CACNB4: variants seen among roughly 807,000 people sequenced by gnomAD.
CACNB4 encodes calcium voltage-gated channel auxiliary subunit beta 4.
In CACNB4, 32 loss-of-function variants were observed where a neutral mutation model predicts 71.2. That is an observed-to-expected ratio of 0.45 (90% CI 0.34 to 0.60). CACNB4 has a LOEUF of 0.60. Ranked by LOEUF, CACNB4 falls within the 20% of genes least tolerant of loss-of-function variation. The pLI, the probability that CACNB4 is intolerant of heterozygous loss-of-function variation, is 0.01. For synonymous variants in CACNB4, 231 were observed against 236.9 expected (o/e 0.97, Z 0.23); for missense variants, 464 against 647.9 (o/e 0.72, Z 3.08).
intron 12 of CACNB4, 28 bp downstream of exon 12, chr2:151,853,409 TAGTCAAGAATG>T: frequency 8.2e-7 from 1 of 1,218,780 alleles, no homozygotes; most frequent in Non-Finnish European, 1.2e-6. Context: ...CTCTTCTAAC[TAGTCAAGAATG>T]ATGAAGACAA....
chr2:152,097,528 G>T (rs1454634661), intron 2 of CACNB4, among the ~76,000 whole-genome samples: 2 of 152,150 alleles, frequency 1.3e-5, no homozygotes, highest in Non-Finnish European at 2.9e-5. Flanking sequence ...GCACCCAGCA[G>T]CCAGGGGTGG....
chr2:151,890,537 A>C (rs10184416), intron 2 of CACNB4, among the ~76,000 whole-genome samples: 98 of 152,210 alleles, frequency 6.4e-4, no homozygotes, highest in African/African-American at 2.2e-3. Context: ...CTCATAGGTC[A>C]CTACATGGGG....
At chr2:151,883,705 CTT>C in intron 2 of CACNB4, 3 of 341,276 alleles carry the variant, frequency 8.8e-6, no homozygotes, top group South Asian at 7.8e-5. Context: ...TCCATCTTCT[CTT>C]TTGCATATAC....
At chr2:152,008,309 T>C (rs1682850063) in intron 2 of CACNB4, among the ~76,000 whole-genome samples, 1 of 151,458 alleles carries the variant, frequency 6.6e-6, no homozygotes, top group Non-Finnish European at 1.5e-5. Context: ...TTTCTTGAGA[T>C]GAAGTCTCAC....
At chr2:151,871,325 G>C (rs2099844567) in intron 6 of CACNB4, 1 of 154,938 alleles carries the variant, frequency 6.5e-6, no homozygotes, top group Non-Finnish European at 1.4e-5. Flanking sequence ...AGTCCCTTGG[G>C]CATTTTTGCC....
chr2:151,889,651 G>A (rs774670350), intron 2 of CACNB4, among the ~76,000 whole-genome samples: 9 of 152,112 alleles, frequency 5.9e-5, no homozygotes, highest in East Asian at 1.9e-4. Flanking sequence ...AGATTTCCCC[G>A]GGTAGATGAG....
At chr2:151,876,392 C>T in intron 5 of CACNB4, 34 bp downstream of exon 5, 1 of 1,566,110 alleles carries the variant, frequency 6.4e-7, no homozygotes, top group Non-Finnish European at 8.7e-7. Context: ...ATTTTCTGAC[C>T]AAAAAAAAGT....
chr2:151,973,885 T>C, intron 2 of CACNB4: 2 of 1,446,892 alleles, frequency 1.4e-6, no homozygotes, highest in African/African-American at 1.4e-5. Context: ...AGGGTGAGGT[T>C]ATCCCCAGAG....
intron 2 of CACNB4, among the ~76,000 whole-genome samples, chr2:152,045,085 C>A (rs1685082478): frequency 6.6e-6 from 1 of 152,062 alleles, no homozygotes; most frequent in African/African-American, 2.4e-5. Context: ...TGATTGCCAC[C>A]ACATAACTAT....
chr2:151,838,967 A>ATTT lies in CACNB4; in HGVS notation c.*149_*151dup. ...CATCTAGACTCAAGGGCATAATGTA[A>ATTT]TTTTTTTTTTTGCCCCTTACTTAGC... On this transcript the variant is annotated 3_prime_UTR_variant, in exon 14 of 14. Coordinates refer to ENST00000539935, the MANE Select transcript of CACNB4 (RefSeq NM_000726.5). 2.1e-6 allele frequency: 1 copy of ATTT among 483,446 alleles called. No homozygotes were observed. The highest frequency in any genetic ancestry group is 3.3e-5 in the South Asian group (1 of 30,708). The allele number at this position is 483,446 out of a possible 1,614,324, so 29.9% of individuals were successfully genotyped here.
intron 2 of CACNB4, among the ~76,000 whole-genome samples, chr2:151,975,149 T>TGA: frequency 6.6e-6 from 1 of 152,286 alleles, no homozygotes; most frequent in East Asian, 1.9e-4. Flanking sequence ...CACTTACCAT[T>TGA]GAGAAGCTGC....
intron 2 of CACNB4, among the ~76,000 whole-genome samples, chr2:151,941,583 C>T (rs570274238): frequency 1.5e-4 from 22 of 151,390 alleles, no homozygotes; most frequent in Non-Finnish European, 2.4e-4. Flanking sequence ...TGCCCAACTT[C>T]GTCTCAATTT....
rs192122588 is a variant in CACNB4, at chr2:152,012,692, T to A, written c.147+85638A>T. Among the ~76,000 whole-genome samples the A allele has an allele frequency of 8.1e-3, 1,234 of 152,324 alleles. 10 individuals carry two copies. The highest frequency in any genetic ancestry group is 0.015 in the Non-Finnish European group (1,033 of 68,034). On this transcript the variant is annotated intron_variant, in intron 2 of 13. Transcript: ENST00000539935. ...TATTTACACAGAAGTATAATGTGTT[T>A]GTGTTTTAAGCTAAGTGTTATTCCA...
At position 152,026,487 on chromosome 2, in the gene CACNB4, C is replaced by A. The variant is rs531159613; in HGVS notation, c.147+71843G>T. ...GCAACCTCTGCCTCCTGGGCTCAAG[C>A]GATTCTCATGCCTCAGCCCCCTGAA... On this transcript the variant is annotated intron_variant, in intron 2 of 13. Coordinates refer to ENST00000539935, the MANE Select transcript of CACNB4 (RefSeq NM_000726.5). Among the ~76,000 whole-genome samples the A allele has an allele frequency of 1.9e-3, 292 of 151,992 alleles. 2 individuals carry two copies. Among genetic ancestry groups the A allele is most frequent in the Non-Finnish European group, 2.9e-3 (198 of 67,970 alleles).
At chr2:152,091,198 G>A (rs1321510042) in intron 2 of CACNB4, among the ~76,000 whole-genome samples, 1 of 152,084 alleles carries the variant, frequency 6.6e-6, no homozygotes, top group African/African-American at 2.4e-5. Context: ...AAAACAAGAA[G>A]AAGCACAGTT....
intron 2 of CACNB4, among the ~76,000 whole-genome samples, chr2:152,007,170 CT>C (rs921722318): frequency 6.6e-4 from 100 of 151,972 alleles, no homozygotes; most frequent in African/African-American, 2.2e-3. Flanking sequence ...GTGTATGTGC[CT>C]TTTTTTTAAC....
rs2099834351 is a variant in CACNB4, at chr2:151,833,965, A to G, written c.*5154T>C. 1 of 152,096 alleles carries G rather than the reference A, an allele frequency of 6.6e-6. No homozygotes were observed. The highest frequency in any genetic ancestry group is 1.9e-4 in the East Asian group (1 of 5,200). The allele number at this position is 152,096 out of a possible 1,614,324, so 9.4% of individuals were successfully genotyped here. A position where few individuals can be genotyped will look rare whatever the true frequency, so the allele number is the denominator to read the frequency against. On this transcript the variant is annotated 3_prime_UTR_variant, in exon 14 of 14. Coordinates refer to ENST00000539935, the MANE Select transcript of CACNB4 (RefSeq NM_000726.5). ...GAAAATATTGTAAGGCATATGAAAA[A>G]TAGTATGCAACGATATAGCGTTAAT...
In CACNB4 at chr2:151,962,244, C is replaced by T. The variant is rs867797376; in HGVS notation, c.148-78874G>A. On this transcript the variant is annotated intron_variant, in intron 2 of 13. Coordinates refer to ENST00000539935, the MANE Select transcript of CACNB4 (RefSeq NM_000726.5). ...CTTTCTGGATGCAACTCAGTCCTCC[C>T]AGGTTCCTATAACCACACCCTTTCT... Among the ~76,000 whole-genome samples, 5 of 152,320 alleles carry T rather than the reference C, an allele frequency of 3.3e-5. No homozygotes were observed. The Middle Eastern group carries it at 0.01, about 311-fold the overall frequency.
chr2:151,849,837 C>T (rs894881315), intron 12 of CACNB4, among the ~76,000 whole-genome samples: 7 of 152,092 alleles, frequency 4.6e-5, no homozygotes, highest in Admixed American at 3.3e-4. Flanking sequence ...AATAGATAAC[C>T]ATAGCTTGGT....
Sources: gnomAD v4.1 joint callset for allele counts (sites outside exome capture counted in the v4.1 genomes callset) on GRCh38, gnomAD v4.1.1 for gene constraint, MANE v1.5 for transcripts, NCBI Gene and HGNC (gene_info 2026-07-23, HGNC 2026-07-21) for gene names.